CMIP: variants seen among roughly 807,000 people sequenced by gnomAD.
CMIP encodes the protein c-Maf inducing protein, also known as C-Maf-inducing protein.
CMIP carries 13 observed loss-of-function variants against 97.3 expected under a neutral mutation model. The ratio of observed to expected loss-of-function variants is 0.13; its 90% CI spans 0.09 to 0.21. CMIP has a LOEUF of 0.21. Ranked by LOEUF, CMIP falls within the 10% of genes least tolerant of loss-of-function variation. CMIP has a pLI of 1.00. For missense variants in CMIP, 847 were observed against 1,024.9 expected (o/e 0.83, Z 2.37); for synonymous variants, 538 against 436.3 (o/e 1.23, Z -2.91).
intron 2 of CMIP, among the ~76,000 whole-genome samples, chr16:81,615,388 G>A (rs957564584): frequency 6.9e-5 from 10 of 145,696 alleles, no homozygotes; most frequent in African/African-American, 1.8e-4. Flanking sequence ...TGTGTGTATG[G>A]TGTGTGTGTG....
chr16:81,590,348 A>G (rs1235476713), intron 1 of CMIP, among the ~76,000 whole-genome samples: 1 of 152,132 alleles, frequency 6.6e-6, no homozygotes, highest in Non-Finnish European at 1.5e-5. Flanking sequence ...TGACACTGTC[A>G]GAGGGTGTCC....
intron 1 of CMIP, among the ~76,000 whole-genome samples, chr16:81,481,623 T>C (rs920791854): frequency 1.6e-4 from 25 of 152,200 alleles, no homozygotes; most frequent in Admixed American, 1.6e-3. Flanking sequence ...TTCCTGTGGC[T>C]GCTATGACAA....
Position 81,461,934 on chromosome 16 carries a change from C to G in CMIP, c.300+16393C>G, listed in dbSNP as rs118187590. 0.022 allele frequency among the ~76,000 whole-genome samples: 3,291 copies of G among 152,282 alleles called. 209 individuals carry two copies. In the East Asian group the frequency reaches 0.28, roughly 13 times the overall value. On this transcript the variant is annotated intron_variant, in intron 1 of 20. Transcript: ENST00000537098. Reference sequence around the variant, plus strand: ...GCACCGTTCTAGGCATTGCGTGTTGCGGTGAGCTGCATAGGCAGTTCTCAT... The same window carrying G: ...GCACCGTTCTAGGCATTGCGTGTTGGGGTGAGCTGCATAGGCAGTTCTCAT...
intron 1 of CMIP, among the ~76,000 whole-genome samples, chr16:81,604,396 C>CAAAAAA (rs886259734): frequency 3.4e-5 from 2 of 58,680 alleles, no homozygotes; most frequent in African/African-American, 1.2e-4. Flanking sequence ...AACTCTGTCT[C>CAAAAAA]AAAAAAAAAA....
At chr16:81,533,872 C>G (rs1041982621) in intron 1 of CMIP, 2 of 152,280 alleles carry the variant, frequency 1.3e-5, no homozygotes, top group Non-Finnish European at 2.9e-5. Context: ...GAACACTAGT[C>G]AGAAGGAGGC....
intron 1 of CMIP, among the ~76,000 whole-genome samples, chr16:81,605,647 G>A (rs2091730856): frequency 6.6e-6 from 1 of 152,142 alleles, no homozygotes; most frequent in African/African-American, 2.4e-5. Flanking sequence ...ACTCCCAGCT[G>A]TTCCCACCTC....
At chr16:81,643,333 C>T (rs576130372) in intron 3 of CMIP, among the ~76,000 whole-genome samples, 1 of 152,244 alleles carries the variant, frequency 6.6e-6, no homozygotes, top group Admixed American at 6.5e-5. Context: ...ATAGGGGAAT[C>T]CAGGAACAGA....
chr16:81,525,246 C>T (rs1436478140), intron 1 of CMIP, among the ~76,000 whole-genome samples: 2 of 152,068 alleles, frequency 1.3e-5, no homozygotes, highest in South Asian at 2.1e-4. Context: ...CAGGTTGAAG[C>T]GATTCTCATG....
At chr16:81,693,678 A>G (rs1189154279) in intron 13 of CMIP, among the ~76,000 whole-genome samples, 191 bp downstream of exon 13, 4 of 151,964 alleles carry the variant, frequency 2.6e-5, no homozygotes, top group Non-Finnish European at 4.4e-5. Context: ...TTTACTGTAA[A>G]CGCCGGCTCA....
intron 1 of CMIP, chr16:81,603,562 C>G (rs2150936151): frequency 2.4e-6 from 1 of 417,374 alleles, no homozygotes. Context: ...TTGCCGAAGT[C>G]CACATTTTAT....
At position 81,487,419 on chromosome 16, in the gene CMIP, C is replaced by T. The variant is rs2089334477; in HGVS notation, c.300+41878C>T. Among the ~76,000 whole-genome samples the T allele has an allele frequency of 2.6e-5, 4 of 152,324 alleles. No individual in the cohort carries two copies. In the South Asian group the frequency reaches 8.3e-4, roughly 32 times the overall value. ...CCACTCCCGAGGCCCCAGACCAAAC[C>T]ACACAGCCCTTGAGGGTGAATCACT... On this transcript the variant is annotated intron_variant, in intron 1 of 20. Coordinates refer to ENST00000537098, the MANE Select transcript of CMIP (RefSeq NM_198390.3).
intron 1 of CMIP, among the ~76,000 whole-genome samples, chr16:81,579,369 C>T (rs960290563): frequency 6.6e-6 from 1 of 152,178 alleles, no homozygotes; most frequent in African/African-American, 2.4e-5. Context: ...TCTTGAGCCA[C>T]CACAAATCCA....
At chr16:81,466,091 C>T (rs1162921912) in intron 1 of CMIP, among the ~76,000 whole-genome samples, 4 of 151,746 alleles carry the variant, frequency 2.6e-5, no homozygotes, top group South Asian at 2.1e-4. Context: ...GGTAGGGTCT[C>T]GCCCTGTCAC....
intron 4 of CMIP, among the ~76,000 whole-genome samples, chr16:81,657,358 T>C (rs896740275): frequency 1.2e-4 from 19 of 152,224 alleles, no homozygotes; most frequent in South Asian, 2.1e-4. Flanking sequence ...AGATTAGGAC[T>C]CTTGAAAGGT....
rs540824586 is a variant in CMIP at position 81,662,764 on chromosome 16, G to C, written c.745-1505G>C. 1.1e-4 allele frequency among the ~76,000 whole-genome samples: 16 copies of C among 152,350 alleles called. No homozygotes were observed. The South Asian group carries it at 3.3e-3, about 32-fold the overall frequency. ...GGGCCTTGTCCTCACAGCCTGTGAA[G>C]GGCTTCCTTTCCAGTATGAAAAACA... On this transcript the variant is annotated intron_variant, in intron 6 of 20. Coordinates refer to ENST00000537098, the MANE Select transcript of CMIP (RefSeq NM_198390.3).
intron 1 of CMIP, among the ~76,000 whole-genome samples, chr16:81,524,420 A>T (rs544472847): frequency 6.6e-5 from 10 of 152,348 alleles, no homozygotes; most frequent in African/African-American, 2.4e-4. Context: ...GCTATGTCCT[A>T]GACAGGTGAC....
chr16:81,699,916 A>G, intron 15 of CMIP, 115 bp downstream of exon 15: 2 of 679,692 alleles, frequency 2.9e-6, no homozygotes. Flanking sequence ...GCAGTGGGTG[A>G]GGCGTGCAGT....
chr16:81,523,549 A>G (rs545495881), intron 1 of CMIP, among the ~76,000 whole-genome samples: 1 of 152,290 alleles, frequency 6.6e-6, no homozygotes, highest in East Asian at 1.9e-4. Context: ...CGGCCAAGCA[A>G]CTGACTCATC....
chr16:81,473,815 T>G (rs1015328743), intron 1 of CMIP, among the ~76,000 whole-genome samples: 4 of 151,392 alleles, frequency 2.6e-5, no homozygotes, highest in Non-Finnish European at 5.9e-5. Flanking sequence ...ACAGTGGTTT[T>G]TTTTTTTTTT....
Sources: gnomAD v4.1 joint callset for allele counts (sites outside exome capture counted in the v4.1 genomes callset) on GRCh38, gnomAD v4.1.1 for gene constraint, MANE v1.5 for transcripts, NCBI Gene and HGNC (gene_info 2026-07-23, HGNC 2026-07-21) for gene names.